The following PCDHGA6 variants were observed in gnomAD, a reference collection of about 807,000 sequenced individuals.
PCDHGA6 encodes protocadherin gamma-A6.
A neutral mutation model predicts 60.6 loss-of-function variants in PCDHGA6; 41 were observed. The ratio of observed to expected loss-of-function variants is 0.68; its 90% CI spans 0.53 to 0.88. PCDHGA6 has a LOEUF of 0.88. Ranked by LOEUF, PCDHGA6 falls within the 40% of genes least tolerant of loss-of-function variation. PCDHGA6 has a pLI of 0.00. For missense variants in PCDHGA6, 1,312 were observed against 1,203.0 expected, an observed-to-expected ratio of 1.09 and a Z score of -1.34; for synonymous variants, 594 against 524.4, an observed-to-expected ratio of 1.13 and a Z score of -1.81.
rs755190269 is a variant in PCDHGA6 at position 141,385,225 on chromosome 5, G to A, written c.2424+8718G>A. 9.9e-6 allele frequency: 16 copies of A among 1,614,114 alleles called. No individual in the cohort carries two copies. Among genetic ancestry groups the A allele is most frequent in the Non-Finnish European group, 1.3e-5 (15 of 1,180,054 alleles). On this transcript the variant is annotated intron_variant, in intron 1 of 3. Transcript: ENST00000517434. ...CCTGATCTTCCCCCAGCCCAACTAT[G>A]TAGACATGCTCATCAGCCAGGAGAG...
At chr5:141,387,829 G>A (rs2091112194) in intron 1 of PCDHGA6, 1 of 1,591,650 alleles carries the variant, frequency 6.3e-7, no homozygotes, top group African/African-American at 1.3e-5. Flanking sequence ...CAATACAGAG[G>A]TTATTTGTAA....
chr5:141,492,492 G>A (rs896538392), intron 1 of PCDHGA6, among the ~76,000 whole-genome samples: 2 of 152,206 alleles, frequency 1.3e-5, no homozygotes, highest in African/African-American at 2.4e-5. Context: ...AGGACCAGGC[G>A]AGGACTCCGG....
intron 1 of PCDHGA6, chr5:141,412,160 G>T (rs952899384): frequency 2.0e-5 from 3 of 152,212 alleles, no homozygotes; most frequent in Middle Eastern, 3.2e-3. Flanking sequence ...TAAGAGAAGA[G>T]ATTATTTATA....
intron 1 of PCDHGA6, among the ~76,000 whole-genome samples, chr5:141,445,567 T>C (rs1465765772): frequency 6.6e-6 from 1 of 152,142 alleles, no homozygotes; most frequent in Admixed American, 6.5e-5. Context: ...AGAGAAAGCT[T>C]ATAGTAGGGA....
At position 141,485,831 on chromosome 5, in the gene PCDHGA6, C is replaced by A; in HGVS notation, c.2425-8976C>A. The A allele has an allele frequency of 6.2e-7, 1 of 1,614,080 alleles. No individual in the cohort carries two copies. Among genetic ancestry groups the A allele is most frequent in the Non-Finnish European group, 8.5e-7 (1 of 1,180,026 alleles). ...GCTGACTGCTGTCGATGGAGGGAAC[C>A]CGCCGAGATCTGGCACCGCAGAGCT... On this transcript the variant is annotated intron_variant, in intron 1 of 3. Coordinates refer to ENST00000517434, the MANE Select transcript of PCDHGA6 (RefSeq NM_018919.3). The surrounding 1 kb of genome is among the most constrained non-coding windows in gnomAD (Gnocchi z 5.7).
chr5:141,428,190 T>C (rs1348507135), intron 1 of PCDHGA6: 2 of 1,429,918 alleles, frequency 1.4e-6, no homozygotes, highest in Non-Finnish European at 1.9e-6. Flanking sequence ...CAGCCGCCGC[T>C]CTCTGCGCCG....
chr5:141,418,938 C>G, intron 1 of PCDHGA6: 1 of 1,613,738 alleles, frequency 6.2e-7, no homozygotes, highest in Non-Finnish European at 8.5e-7. Flanking sequence ...ATGGAGGATT[C>G]CCCTCCAGGA....
At chr5:141,458,438 C>T (rs2098945825) in intron 1 of PCDHGA6, among the ~76,000 whole-genome samples, 1 of 152,024 alleles carries the variant, frequency 6.6e-6, no homozygotes, top group Non-Finnish European at 1.5e-5. Flanking sequence ...GAGGAGGTCC[C>T]CCACATTAAC....
At chr5:141,408,967 G>GC in intron 1 of PCDHGA6, 2 of 1,613,782 alleles carry the variant, frequency 1.2e-6, no homozygotes, top group Non-Finnish European at 1.7e-6. Context: ...GTGAAAATCT[G>GC]CCCCCTGGGT....
Position 141,374,632 on chromosome 5 carries a change from A to T in PCDHGA6, c.549A>T (p.Gln183His). ...ATAGTCACTTCTCAGTGGACGTGCA[A>T]AGCGAAGCCCATGGGCCCAAGTACC... ...SGNSHFSVDV[Q>H]SEAHGPKYPE... Residue 183 changes from glutamine to histidine, a missense_variant, in exon 1 of 4, where the codon CAA (glutamine) becomes CAT (histidine). Coordinates refer to ENST00000517434, the MANE Select transcript of PCDHGA6 (RefSeq NM_018919.3). 1.2e-6 allele frequency: 2 copies of T among 1,613,162 alleles called. No homozygotes were observed. Among genetic ancestry groups the T allele is most frequent in the Non-Finnish European group, 1.7e-6 (2 of 1,179,538 alleles).
intron 1 of PCDHGA6, among the ~76,000 whole-genome samples, chr5:141,494,039 G>A (rs901795348): frequency 2.0e-5 from 3 of 152,144 alleles, no homozygotes; most frequent in Non-Finnish European, 4.4e-5. Context: ...GACTTAGTTG[G>A]CCCTGCTTGG....
chr5:141,412,827 A>G (rs977931124), intron 1 of PCDHGA6, among the ~76,000 whole-genome samples: 2 of 152,236 alleles, frequency 1.3e-5, no homozygotes, highest in Non-Finnish European at 2.9e-5. Context: ...ATAGTAAATT[A>G]TTTAAAGATA....
In PCDHGA6 at chr5:141,386,511, T is replaced by C. The variant is rs558161782; in HGVS notation, c.2424+10004T>C. Among the ~76,000 whole-genome samples the C allele has an allele frequency of 2.0e-4, 3 of 15,264 alleles. No homozygotes were observed. The East Asian group carries it at 5.2e-3, about 27-fold the overall frequency. 10.0% of individuals were successfully genotyped at this position (15,264 alleles called of 152,430 possible). ...GATAATATAACAAGACTCTGTCTCTTCAAAAAAAGACTCTTTTTAGACTAG... is the reference window on the plus strand; with the variant it reads ...GATAATATAACAAGACTCTGTCTCTCCAAAAAAAGACTCTTTTTAGACTAG... On this transcript the variant is annotated intron_variant, in intron 1 of 3. Coordinates refer to ENST00000517434, the MANE Select transcript of PCDHGA6 (RefSeq NM_018919.3).
At chr5:141,422,498 C>G in intron 1 of PCDHGA6, 1 of 1,613,966 alleles carries the variant, frequency 6.2e-7, no homozygotes. Context: ...ATAACGTTGA[C>G]AGCCACAGAC....
rs747633858 is a variant in PCDHGA6, at chr5:141,491,133, C to T, written c.2425-3674C>T. 6.2e-6 allele frequency: 10 copies of T among 1,614,158 alleles called. No homozygotes were observed. In the South Asian group the frequency reaches 9.9e-5, roughly 16 times the overall value. The stretch of plus-strand genomic sequence containing the variant: ...CACACACTGGTGAGGTGCGCACAGC[C>T]CGGGCCTTACTGGAGGATGACTCTG... On this transcript the variant is annotated intron_variant, in intron 1 of 3. Transcript: ENST00000517434. The surrounding 1 kb of genome is among the most constrained non-coding windows in gnomAD (Gnocchi z 6.9).
intron 1 of PCDHGA6, chr5:141,398,973 C>T: frequency 6.2e-7 from 1 of 1,613,952 alleles, no homozygotes; most frequent in Non-Finnish European, 8.5e-7. Context: ...ATTCCTTCTA[C>T]AGAACCGGGC....
intron 1 of PCDHGA6, chr5:141,427,102 C>T (rs1363595185): frequency 6.6e-6 from 3 of 457,858 alleles, no homozygotes; most frequent in South Asian, 3.1e-5. Flanking sequence ...GGTGTCAATG[C>T]GGAGATCACC....
At chr5:141,415,083 G>T (rs747351388) in intron 1 of PCDHGA6, 1 of 1,613,514 alleles carries the variant, frequency 6.2e-7, no homozygotes. Context: ...CGCGAGCCCT[G>T]CTGGACAGAG....
At chr5:141,404,196 C>T in intron 1 of PCDHGA6, 3 of 1,613,466 alleles carry the variant, frequency 1.9e-6, no homozygotes, top group Non-Finnish European at 1.7e-6. Context: ...CGAGAAAAAG[C>T]CTCAGAATAT....
Sources: allele counts gnomAD v4.1 joint callset (sites outside exome capture counted in the v4.1 genomes callset), GRCh38; gene constraint gnomAD v4.1.1; non-coding constraint Gnocchi (gnomAD v3.1); transcripts MANE v1.5; gene names NCBI Gene and HGNC (gene_info 2026-07-23, HGNC 2026-07-21).